Variants in CD44 observed in about 807,000 individuals in gnomAD.
The protein encoded by CD44 is CD44 molecule (IN blood group).
In CD44, 49 loss-of-function variants were observed where a neutral mutation model predicts 88.8. The observed-to-expected ratio is 0.55, with a 90% CI of 0.44 to 0.70. CD44 has a LOEUF of 0.70. Among genes scored for constraint, CD44 ranks in the 30% least tolerant of loss-of-function variants. The pLI, the probability that CD44 is intolerant of heterozygous loss-of-function variation, is 0.00. For synonymous variants in CD44, 325 were observed against 312.3 expected (o/e 1.04, Z -0.43); for missense variants, 883 against 913.8 (o/e 0.97, Z 0.43).
chr11:35,182,653 G>C (rs2133781998), intron 3 of CD44, among the ~76,000 whole-genome samples: 1 of 152,278 alleles, frequency 6.6e-6, no homozygotes, highest in Non-Finnish European at 1.5e-5. Context: ...ATGTGGTCTA[G>C]CTAGCTCCAT....
chr11:35,163,753 A>G (rs1414451489), intron 1 of CD44, among the ~76,000 whole-genome samples: 1 of 152,184 alleles, frequency 6.6e-6, no homozygotes, highest in East Asian at 1.9e-4. Flanking sequence ...TGGTATTAGC[A>G]AATTCTAACC....
Position 35,214,904 on chromosome 11 carries a change from T to C in CD44, c.1863T>C (p.Ser621=). The change falls in exon 15 of 18, where the codon TCT becomes TCC. Residue 621 remains serine, a synonymous_variant. Transcript: ENST00000428726. The part of the protein sequence containing the change: ...PSGGSHTTHG[S]ESDGHSHGSQ... ...GGGGGTCCCATACCACTCATGGATC[T>C]GAATCAGATGGTGAGTTCAAAACTG... 6.4e-7 allele frequency: 1 copy of C among 1,556,278 alleles called. No homozygotes were observed. Among genetic ancestry groups the C allele is most frequent in the Non-Finnish European group, 8.7e-7 (1 of 1,151,534 alleles).
intron 1 of CD44, among the ~76,000 whole-genome samples, chr11:35,141,940 G>T (rs967995792): frequency 6.6e-6 from 1 of 152,186 alleles, no homozygotes; most frequent in African/African-American, 2.4e-5. Context: ...GGACAACCAC[G>T]AGGAAACTTT....
intron 15 of CD44, chr11:35,218,813 G>A (rs952171754): frequency 6.4e-6 from 1 of 155,374 alleles, no homozygotes; most frequent in Non-Finnish European, 1.4e-5. Flanking sequence ...CTGATGGTCT[G>A]AGAGCCACAC....
At chr11:35,143,276 C>G (rs1858377680) in intron 1 of CD44, among the ~76,000 whole-genome samples, 1 of 151,620 alleles carries the variant, frequency 6.6e-6, no homozygotes, top group Admixed American at 6.6e-5. Flanking sequence ...TTTTAAAAAC[C>G]TGATGCTCTG....
chr11:35,223,897 T>C (rs1215458876), intron 17 of CD44, among the ~76,000 whole-genome samples: 1 of 152,136 alleles, frequency 6.6e-6, no homozygotes, highest in Non-Finnish European at 1.5e-5. Flanking sequence ...TGGTTGAAAA[T>C]GGGGCCTCCA....
chr11:35,177,261 A>G (rs1450574865), intron 2 of CD44, among the ~76,000 whole-genome samples: 1 of 152,206 alleles, frequency 6.6e-6, no homozygotes, highest in Non-Finnish European at 1.5e-5. Flanking sequence ...AAGCTATATT[A>G]TATTAAGATA....
intron 15 of CD44, among the ~76,000 whole-genome samples, chr11:35,216,076 G>T (rs1948809752): frequency 6.6e-6 from 1 of 151,588 alleles, no homozygotes; most frequent in Admixed American, 6.6e-5. Flanking sequence ...GAGTGATGGA[G>T]CCACCTTTCA....
chr11:35,153,008 T>C (rs896262636), intron 1 of CD44, among the ~76,000 whole-genome samples: 1 of 152,114 alleles, frequency 6.6e-6, no homozygotes, highest in African/African-American at 2.4e-5. Context: ...AGAAAGGAAG[T>C]TATCGTGGTC....
At chr11:35,151,073 A>C (rs1860228628) in intron 1 of CD44, among the ~76,000 whole-genome samples, 1 of 152,224 alleles carries the variant, frequency 6.6e-6, no homozygotes, top group Non-Finnish European at 1.5e-5. Context: ...TGAAGGCTTC[A>C]AGGAATTTGA....
In CD44 at chr11:35,221,679, C is replaced by T. The variant is rs1472870061; in HGVS notation, c.1971C>T (p.Leu657=). The change falls in exon 17 of 18, where the codon CTC becomes CTT. Residue 657 remains leucine, a synonymous_variant. Coordinates refer to ENST00000428726, the MANE Select transcript of CD44 (RefSeq NM_000610.4). ...IPEWLIILAS[L]LALALILAVC... ...AATGGCTGATCATCTTGGCATCCCT[C>T]TTGGCCTTGGCTTTGATTCTTGCAG... The T allele has an allele frequency of 5.0e-6, 8 of 1,614,110 alleles. No individual in the cohort carries two copies. Among genetic ancestry groups the T allele is most frequent in the Non-Finnish European group, 6.8e-6 (8 of 1,179,938 alleles).
At chr11:35,168,873 T>G (rs1191990036) in intron 1 of CD44, among the ~76,000 whole-genome samples, 4 of 152,196 alleles carry the variant, frequency 2.6e-5, no homozygotes, top group African/African-American at 9.7e-5. Flanking sequence ...CCTGTGATGG[T>G]ATGTGAACAT....
chr11:35,228,214 T>C (rs1027507375), intron 17 of CD44, among the ~76,000 whole-genome samples: 4 of 152,228 alleles, frequency 2.6e-5, no homozygotes, highest in Non-Finnish European at 4.4e-5. Context: ...TACTCTTCCA[T>C]AGCAACTTTC....
At chr11:35,187,378 G>T (rs1276769706) in intron 4 of CD44, among the ~76,000 whole-genome samples, 2 of 152,096 alleles carry the variant, frequency 1.3e-5, no homozygotes, top group Admixed American at 6.6e-5. Flanking sequence ...ACTTGAAACT[G>T]CTCTCTGGTT....
At chr11:35,175,866 T>TC (rs1334688783) in intron 1 of CD44, among the ~76,000 whole-genome samples, 1 of 98,670 alleles carries the variant, frequency 1.0e-5, no homozygotes, top group East Asian at 2.5e-4. Flanking sequence ...TGTTTGTTCT[T>TC]TTTTTTTTTT....
At chr11:35,174,291 G>C (rs1415623286) in intron 1 of CD44, among the ~76,000 whole-genome samples, 2 of 152,228 alleles carry the variant, frequency 1.3e-5, no homozygotes, top group East Asian at 3.8e-4. Flanking sequence ...GTGCAAGGAA[G>C]AGATGGAGCT....
rs762067831 is a variant in CD44, at chr11:35,176,523, G to A, written c.68-52G>A. On this transcript the variant is annotated intron_variant, in intron 1 of 17. Coordinates refer to ENST00000428726, the MANE Select transcript of CD44 (RefSeq NM_000610.4). The stretch of plus-strand genomic sequence containing the variant: ...TCTGTCCTAAACTGAACTTATTACT[G>A]TCTCCAAATTATTTATGCAAAAGAA... 4 of 1,547,516 alleles carry A rather than the reference G, an allele frequency of 2.6e-6. No homozygotes were observed. The African/African-American group carries it at 5.5e-5, about 21-fold the overall frequency.
chr11:35,197,582 T>C (rs1445995453), intron 6 of CD44: 1 of 152,826 alleles, frequency 6.5e-6, no homozygotes, highest in African/African-American at 2.4e-5. Flanking sequence ...AACTGCAGTG[T>C]AGCTTCCATC....
rs1370279779 is a variant in CD44, at chr11:35,204,541, G to A, written c.1183G>A (p.Glu395Lys). 6.2e-7 allele frequency: 1 copy of A among 1,613,454 alleles called. No individual in the cohort carries two copies. Among genetic ancestry groups the A allele is most frequent in the Non-Finnish European group, 8.5e-7 (1 of 1,179,512 alleles). ...GGCAACTCCTAGTAGTACAACGGAAGAAACAGCTACCCAGAAGGAACAGTG... is the reference window on the plus strand; with the variant it reads ...GGCAACTCCTAGTAGTACAACGGAAAAAACAGCTACCCAGAAGGAACAGTG... ...IQATPSSTTE[E>K]TATQKEQWFG... Residue 395 changes from glutamate (E) to lysine (K), a missense_variant, in exon 10 of 18, where the codon GAA becomes AAA. By Grantham distance (56) the Glu-to-Lys change is moderately conservative. This residue lies in a region of CD44 where 631 missense variants were observed against 590.9 expected (regional missense o/e 1.07). Transcript: ENST00000428726.
Sources: gnomAD v4.1 joint callset for allele counts (sites outside exome capture counted in the v4.1 genomes callset) on GRCh38, gnomAD v4.1.1 for gene constraint, gnomAD v4.1.1 regional missense constraint, MANE v1.5 for transcripts, NCBI Gene and HGNC (gene_info 2026-07-23, HGNC 2026-07-21) for gene names.